Variants in GNB5 observed in about 807,000 individuals in gnomAD.
GNB5 encodes guanine nucleotide-binding protein subunit beta-5.
In GNB5, 37 loss-of-function variants were observed where a neutral mutation model predicts 55.3. The observed-to-expected ratio is 0.67, with a 90% CI of 0.51 to 0.88. The LOEUF (loss-of-function observed/expected upper bound fraction) is 0.88. Among genes scored for constraint, GNB5 ranks in the 40% least tolerant of loss-of-function variants. GNB5 has a pLI of 0.00. For missense variants in GNB5, 476 were observed against 515.3 expected, an observed-to-expected ratio of 0.92 and a Z score of 0.74; for synonymous variants, 219 against 198.5, an observed-to-expected ratio of 1.10 and a Z score of -0.87.
intron 3 of GNB5, among the ~76,000 whole-genome samples, chr15:52,155,769 TCACTGCATCCCACCTGGG>T (rs931420409): frequency 1.3e-5 from 2 of 152,210 alleles, no homozygotes; most frequent in Admixed American, 1.3e-4. Flanking sequence ...TGAGTTAATG[TCACTGCATCCCACCTGGG>T]CACATGAGTC....
At chr15:52,134,266 CAATAGTCA>C (rs2033646255) in intron 8 of GNB5, among the ~76,000 whole-genome samples, 1 of 152,180 alleles carries the variant, frequency 6.6e-6, no homozygotes, top group African/African-American at 2.4e-5. Context: ...TGTGGACTCT[CAATAGTCA>C]AATAGCTTAT....
chr15:52,173,375 C>T (rs1406267063), intron 3 of GNB5, among the ~76,000 whole-genome samples: 1 of 152,050 alleles, frequency 6.6e-6, no homozygotes, highest in Non-Finnish European at 1.5e-5. Context: ...GTGCCCAGCA[C>T]ATTTACTGCT....
chr15:52,137,165 C>G, intron 7 of GNB5: 1 of 940,538 alleles, frequency 1.1e-6, no homozygotes, highest in South Asian at 1.7e-5. Context: ...AGTGGAGGTT[C>G]TCCCTTACTG....
intron 5 of GNB5, chr15:52,149,598 A>G: frequency 1.7e-6 from 1 of 594,702 alleles, no homozygotes; most frequent in Non-Finnish European, 3.0e-6. Context: ...GCAGTTGCAC[A>G]TGTGGTTGCA....
intron 1 of GNB5, among the ~76,000 whole-genome samples, chr15:52,190,893 CTG>C (rs2034917713): frequency 2.0e-5 from 3 of 148,412 alleles, no homozygotes; most frequent in East Asian, 2.0e-4. Flanking sequence ...ACAGACGAAA[CTG>C]TGAAATGAGC....
intron 9 of GNB5, 33 bp from the exon 10 acceptor site, chr15:52,128,277 G>A: frequency 2.0e-6 from 3 of 1,476,720 alleles, no homozygotes; most frequent in East Asian, 2.3e-5. Flanking sequence ...CTACGGTTGT[G>A]ACTCCTGACC....
chr15:52,190,778 T>TAAAA (rs58614125), intron 1 of GNB5, among the ~76,000 whole-genome samples: 35 of 96,896 alleles, frequency 3.6e-4, no homozygotes, highest in African/African-American at 1.4e-3. Flanking sequence ...CTTATTTCCT[T>TAAAA]AAAAAAAAAA....
rs1168734914 is a variant in GNB5 at position 52,136,172 on chromosome 15, A to ACACACACACACACACAC, written c.628-417_628-416insGTGTGTGTGTGTGTGTG. Among the ~76,000 whole-genome samples, 40 of 100,102 alleles carry ACACACACACACACACAC rather than the reference A, an allele frequency of 4.0e-4. 2 individuals are homozygous for ACACACACACACACACAC. The highest frequency in any genetic ancestry group is 1.7e-3 in the East Asian group (6 of 3,630). 65.7% of individuals were successfully genotyped at this position (100,102 alleles called of 152,430 possible). A position where few individuals can be genotyped will look rare whatever the true frequency, so the allele number is the denominator to read the frequency against. ...CACACACACACACACACACACACACACCCTACCTGCTGTATCTGGGTTCAT... is the reference window on the plus strand; with the variant it reads ...CACACACACACACACACACACACACACACACACACACACACACCCCTACCTGCTGTATCTGGGTTCAT... On this transcript the variant is annotated intron_variant, in intron 7 of 12. Transcript: ENST00000261837.
chr15:52,138,715 C>T (rs2033785450), intron 7 of GNB5: 1 of 152,184 alleles, frequency 6.6e-6, no homozygotes, highest in South Asian at 2.1e-4. Context: ...CAGTAACTTA[C>T]AGTTTATTTT....
At chr15:52,148,434 A>C (rs1438876978) in intron 5 of GNB5, among the ~76,000 whole-genome samples, 2 of 152,084 alleles carry the variant, frequency 1.3e-5, no homozygotes, top group African/African-American at 4.8e-5. Flanking sequence ...GGCTTCACAG[A>C]GGAAGAATGA....
rs2033231584 is a variant in GNB5 at position 52,120,178 on chromosome 15, C to T, written c.*2579G>A. On this transcript the variant is annotated 3_prime_UTR_variant, in exon 13 of 13. Transcript: ENST00000261837. The stretch of plus-strand genomic sequence containing the variant: ...ACCCCTGGGGGCCCATCTGTTTGGC[C>T]CCTTCACCACAATTGGTTTGGTAGG... 6.6e-6 allele frequency: 1 copy of T among 152,186 alleles called. No homozygotes were observed. The highest frequency in any genetic ancestry group is 2.1e-4 in the South Asian group (1 of 4,838). 9.4% of individuals were successfully genotyped at this position (152,186 alleles called of 1,614,324 possible).
chr15:52,151,199 T>A (rs2034086745), intron 4 of GNB5, among the ~76,000 whole-genome samples: 1 of 152,134 alleles, frequency 6.6e-6, no homozygotes, highest in Non-Finnish European at 1.5e-5. Context: ...GCGCAGAAAC[T>A]GGAGTGGGGC....
At chr15:52,170,574 T>A (rs564028354) in intron 3 of GNB5, among the ~76,000 whole-genome samples, 1 of 152,182 alleles carries the variant, frequency 6.6e-6, no homozygotes, top group East Asian at 1.9e-4. Context: ...AGGGACAGCA[T>A]CAGGAAGAAT....
chr15:52,131,780 C>T (rs979418042), intron 9 of GNB5, among the ~76,000 whole-genome samples: 3 of 152,150 alleles, frequency 2.0e-5, no homozygotes, highest in Non-Finnish European at 2.9e-5. Context: ...TGTTTTCCCA[C>T]TAAGTATAAT....
chr15:52,138,804 C>G (rs148302239), intron 7 of GNB5: 1 of 152,148 alleles, frequency 6.6e-6, no homozygotes, highest in African/African-American at 2.4e-5. Context: ...TCATACCATA[C>G]TGTTTGATCA....
rs1341865089 is a variant in GNB5 at position 52,147,169 on chromosome 15, T to TTG, written c.494+289_494+290insCA. The TTG allele has an allele frequency of 4.4e-3, 1,015 of 229,940 alleles. 3 individuals are homozygous for TTG. Among genetic ancestry groups the TTG allele is most frequent in the Non-Finnish European group, 6.4e-3 (743 of 116,494 alleles). The allele number at this position is 229,940 out of a possible 1,614,324, so 14.2% of individuals were successfully genotyped here. ...TGAAAGAGAGTTTTATGGTTTTGTT[T>TTG]TTTTTTTTTTTTTTTAAAGAGATGG... On this transcript the variant is annotated intron_variant, in intron 6 of 12. Transcript: ENST00000261837.
rs769892524 is a variant in GNB5 at position 52,149,876 on chromosome 15, T to G, written c.417+8A>C. On this transcript the variant is annotated splice_region_variant and intron_variant, in intron 5 of 12. Coordinates refer to ENST00000261837, the MANE Select transcript of GNB5 (RefSeq NM_016194.4). ...GCCTCTATAACGTGGCTGGGAACAATGCCTCACCTTGTTTGTGGTGAAGGA... is the reference window on the plus strand; with the variant it reads ...GCCTCTATAACGTGGCTGGGAACAAGGCCTCACCTTGTTTGTGGTGAAGGA... 25 of 1,603,390 alleles carry G rather than the reference T, an allele frequency of 1.6e-5. No homozygotes were observed. In the South Asian group the frequency reaches 2.5e-4, roughly 16 times the overall value.
chr15:52,118,342 T>A lies in GNB5; in HGVS notation c.*4415A>T, dbSNP rs1227097973. 2 of 151,200 alleles carry A rather than the reference T, an allele frequency of 1.3e-5. No individual in the cohort carries two copies. Among genetic ancestry groups the A allele is most frequent in the East Asian group, 3.9e-4 (2 of 5,168 alleles). 9.4% of individuals were successfully genotyped at this position (151,200 alleles called of 1,614,324 possible). On this transcript the variant is annotated 3_prime_UTR_variant, in exon 13 of 13. Coordinates refer to ENST00000261837, the MANE Select transcript of GNB5 (RefSeq NM_016194.4). Reference sequence around the variant, plus strand: ...GGGGGTCCTCACGGTCAAAACTATTTTCATAATAATATTGACACTTTTTTT... The same window carrying A: ...GGGGGTCCTCACGGTCAAAACTATTATCATAATAATATTGACACTTTTTTT...
Position 52,128,187 on chromosome 15 carries a change from G to A in GNB5, c.912+9C>T, listed in dbSNP as rs367596235. On this transcript the variant is annotated intron_variant, in intron 10 of 12. Coordinates refer to ENST00000261837, the MANE Select transcript of GNB5 (RefSeq NM_016194.4). ...ACTAGGAAAAGCTCTCAAAAACTTA[G>A]AAACATACCGTAGCGTCATCTGACC... 8 of 1,595,224 alleles carry A rather than the reference G, an allele frequency of 5.0e-6. No individual in the cohort carries two copies. Among genetic ancestry groups the A allele is most frequent in the Non-Finnish European group, 6.0e-6 (7 of 1,163,086 alleles).
Sources: allele counts gnomAD v4.1 joint callset (sites outside exome capture counted in the v4.1 genomes callset), GRCh38; gene constraint gnomAD v4.1.1; transcripts MANE v1.5; gene names NCBI Gene and HGNC (gene_info 2026-07-23, HGNC 2026-07-21).